LMAN1: variants seen among roughly 807,000 people sequenced by gnomAD.
LMAN1 encodes protein ERGIC-53.
In LMAN1, 32 loss-of-function variants were observed where a neutral mutation model predicts 67.8. The observed-to-expected ratio is 0.47, with a 90% confidence interval of 0.36 to 0.63. The LOEUF (loss-of-function observed/expected upper bound fraction) is 0.63, where lower values mean the gene tolerates loss of function less well. LMAN1 is among the 30% of genes least tolerant of loss of function. The pLI is 0.00. For synonymous variants in LMAN1, 235 were observed against 219.3 expected, an observed-to-expected ratio of 1.07 and a Z score of -0.63; for missense variants, 632 against 628.2, an observed-to-expected ratio of 1.01 and a Z score of -0.06.
intron 10 of LMAN1, among the ~76,000 whole-genome samples, chr18:59,338,255 C>A (rs1908207038): frequency 6.6e-6 from 1 of 152,016 alleles, no homozygotes; most frequent in African/African-American, 2.4e-5. Context: ...ATTTCATATT[C>A]TTTTTATATT....
intron 1 of LMAN1, among the ~76,000 whole-genome samples, chr18:59,358,013 A>G (rs992441341): frequency 6.6e-5 from 10 of 152,090 alleles, no homozygotes; most frequent in Admixed American, 6.5e-5. Context: ...ATAGAATTCA[A>G]ACTGCCAGAG....
At position 59,359,259 on chromosome 18, in the gene LMAN1, C is replaced by G. The variant is rs778898915; in HGVS notation, c.-15G>C. On this transcript the variant is annotated 5_prime_UTR_variant, in exon 1 of 13. Transcript: ENST00000251047. ...GATCCCGCCATCTTGGATTCTGGAACGCGGAGGAGGGCGGGAGAGGGAGGG... is the reference window on the plus strand; with the variant it reads ...GATCCCGCCATCTTGGATTCTGGAAGGCGGAGGAGGGCGGGAGAGGGAGGG... The G allele has an allele frequency of 1.9e-6, 3 of 1,612,908 alleles. No individual in the cohort carries two copies. Among genetic ancestry groups the G allele is most frequent in the Non-Finnish European group, 2.5e-6 (3 of 1,179,134 alleles).
rs1264931938 is a variant in LMAN1, at chr18:59,338,639, A to G, written c.1150-12T>C. ...TCTTGTTGAGTAATCTGGAGGAAGA[A>G]ACAATGACGAGCAAGCTGAATAATC... On this transcript the variant is annotated splice_polypyrimidine_tract_variant and intron_variant, in intron 9 of 12. Coordinates refer to ENST00000251047, the MANE Select transcript of LMAN1 (RefSeq NM_005570.4). 2.7e-5 allele frequency: 43 copies of G among 1,612,910 alleles called. No homozygotes were observed. The highest frequency in any genetic ancestry group is 3.6e-5 in the Non-Finnish European group (42 of 1,179,018).
intron 1 of LMAN1, among the ~76,000 whole-genome samples, chr18:59,357,305 A>C (rs971526147): frequency 2.6e-5 from 4 of 152,244 alleles, no homozygotes; most frequent in Non-Finnish European, 5.9e-5. Flanking sequence ...AAGGAAGTCA[A>C]GGTAGCTGAT....
In LMAN1 at chr18:59,355,388, C is replaced by T. The variant is rs777794959; in HGVS notation, c.402G>A (p.Glu134=). The change falls in exon 3 of 13, where the codon GAG becomes GAA. Residue 134 remains glutamate, a synonymous_variant. Transcript: ENST00000251047. Reference sequence around the variant, plus strand: ...GATCAGCTGATCCAAACACAGGGCCCTCCAAGCCTTGATTTTCTGCATACC... The same window carrying T: ...GATCAGCTGATCCAAACACAGGGCCTTCCAAGCCTTGATTTTCTGCATACC... The part of the protein sequence containing the change: ...AIWYAENQGL[E]GPVFGSADLW... 9 of 1,614,074 alleles carry T rather than the reference C, an allele frequency of 5.6e-6. No individual in the cohort carries two copies. The highest frequency in any genetic ancestry group is 7.6e-6 in the Non-Finnish European group (9 of 1,179,966).
At chr18:59,338,531 C>T in intron 10 of LMAN1, 26 bp downstream of exon 10, 1 of 1,594,700 alleles carries the variant, frequency 6.3e-7, no homozygotes, top group Non-Finnish European at 8.6e-7. Context: ...TCACATAACA[C>T]ACAAACGCTA....
At chr18:59,356,109 T>C (rs1908655900) in intron 1 of LMAN1, among the ~76,000 whole-genome samples, 1 of 152,180 alleles carries the variant, frequency 6.6e-6, no homozygotes. Flanking sequence ...AATAATTCTC[T>C]TATTCTCTTG....
At chr18:59,357,882 A>G (rs141349034) in intron 1 of LMAN1, among the ~76,000 whole-genome samples, 372 of 151,698 alleles carry the variant, frequency 2.5e-3, no homozygotes, top group African/African-American at 8.6e-3. Context: ...TGACTAGTTA[A>G]TGGGTGCAGC....
intron 10 of LMAN1, among the ~76,000 whole-genome samples, chr18:59,336,691 C>G (rs1908155402): frequency 6.6e-6 from 1 of 151,964 alleles, no homozygotes; most frequent in African/African-American, 2.4e-5. Flanking sequence ...TGAGATCAGC[C>G]TGGGCAACAT....
rs370659901 is a variant in LMAN1 at position 59,347,533 on chromosome 18, T to G, written c.802A>C (p.Thr268Pro). ...DVLSFLTFQL[T>P]EPGKEPPTPD... ...ATTACCGGCTCTTTTCCAGGTTCAG[T>G]CAACTGGAAAGTCAGAAAAGAAAGG... Residue 268 changes from threonine (T) to proline (P), a missense_variant, in exon 7 of 13, where the codon ACT becomes CCT. Coordinates refer to ENST00000251047, the MANE Select transcript of LMAN1 (RefSeq NM_005570.4). 158 of 1,610,278 alleles carry G rather than the reference T, an allele frequency of 9.8e-5. No homozygotes were observed. Among genetic ancestry groups the G allele is most frequent in the Non-Finnish European group, 1.3e-4 (150 of 1,178,472 alleles).
At position 59,356,281 on chromosome 18, in the gene LMAN1, T is replaced by C. The variant is rs928096338; in HGVS notation, c.215-623A>G. 7.9e-5 allele frequency among the ~76,000 whole-genome samples: 12 copies of C among 152,078 alleles called. No homozygotes were observed. In the South Asian group the frequency reaches 8.3e-4, roughly 11 times the overall value. On this transcript the variant is annotated intron_variant, in intron 1 of 12. Transcript: ENST00000251047. ...TTCTTCAGAAGATTCTCAGAGAAAA[T>C]AGTGATCCCTAAAACGGTGGTTTAC...
Position 59,338,540 on chromosome 18 carries a change from T to C in LMAN1, c.1220+17A>G. ...AAAAAATCACATAACACACAAACGCTACTTTTCCATACTTACTTCATTTCA... is the reference window on the plus strand; with the variant it reads ...AAAAAATCACATAACACACAAACGCCACTTTTCCATACTTACTTCATTTCA... On this transcript the variant is annotated intron_variant, in intron 10 of 12. Transcript: ENST00000251047. 6.2e-7 allele frequency: 1 copy of C among 1,603,804 alleles called. No homozygotes were observed. The highest frequency in any genetic ancestry group is 8.5e-7 in the Non-Finnish European group (1 of 1,171,324).
chr18:59,337,392 G>C (rs544102856), intron 10 of LMAN1, among the ~76,000 whole-genome samples: 65 of 152,142 alleles, frequency 4.3e-4, no homozygotes, highest in Non-Finnish European at 8.5e-4. Context: ...TCCTGGAATA[G>C]AATAGGCCTT....
intron 8 of LMAN1, among the ~76,000 whole-genome samples, chr18:59,341,097 AAAAAG>A (rs139037674): frequency 0.028 from 4,315 of 152,226 alleles, 178 homozygotes; most frequent in African/African-American, 0.087. Flanking sequence ...AACAGACTTA[AAAAAG>A]AAAAGACAAA....
In LMAN1 at chr18:59,328,716, G is replaced by C. The variant is rs2070728900; in HGVS notation, c.*2377C>G. 2 of 151,870 alleles carry C rather than the reference G, an allele frequency of 1.3e-5. No homozygotes were observed. The highest frequency in any genetic ancestry group is 1.3e-4 in the Admixed American group (2 of 15,238). 9.4% of individuals were successfully genotyped at this position (151,870 alleles called of 1,614,324 possible). ...TGAAACCAGGCGCCATGACCCAGATGGTCCATGGATCATACTTTGAGAAAC... is the reference window on the plus strand; with the variant it reads ...TGAAACCAGGCGCCATGACCCAGATCGTCCATGGATCATACTTTGAGAAAC... On this transcript the variant is annotated 3_prime_UTR_variant, in exon 13 of 13. Coordinates refer to ENST00000251047, the MANE Select transcript of LMAN1 (RefSeq NM_005570.4).
intron 5 of LMAN1, among the ~76,000 whole-genome samples, chr18:59,349,634 G>T (rs1568116966): frequency 6.6e-6 from 1 of 152,274 alleles, no homozygotes; most frequent in East Asian, 1.9e-4. Flanking sequence ...AGCTGGTTGA[G>T]AATTAAACAG....
intron 7 of LMAN1, among the ~76,000 whole-genome samples, chr18:59,346,660 A>AT (rs1360133263): frequency 1.3e-5 from 2 of 151,680 alleles, no homozygotes; most frequent in Non-Finnish European, 2.9e-5. Flanking sequence ...AGCTGGAACT[A>AT]TAGGTGTGCA....
chr18:59,339,483 CT>C (rs945677114), intron 8 of LMAN1, among the ~76,000 whole-genome samples: 34 of 152,126 alleles, frequency 2.2e-4, no homozygotes, highest in African/African-American at 6.5e-4. Context: ...CCAAAATGGG[CT>C]TTTATGATCC....
At chr18:59,353,768 C>T (rs1908597737) in intron 4 of LMAN1, among the ~76,000 whole-genome samples, 1 of 152,306 alleles carries the variant, frequency 6.6e-6, no homozygotes, top group Middle Eastern at 3.4e-3. Flanking sequence ...AGTCATCCTT[C>T]AACATCCATA....
Sources: allele counts gnomAD v4.1 joint callset (sites outside exome capture counted in the v4.1 genomes callset), GRCh38; gene constraint gnomAD v4.1.1; transcripts MANE v1.5; gene names NCBI Gene and HGNC (gene_info 2026-07-23, HGNC 2026-07-21).